TRPC7: variants seen among roughly 807,000 people sequenced by gnomAD.
TRPC7 encodes short transient receptor potential channel 7.
In TRPC7, 42 loss-of-function variants were observed where a neutral mutation model predicts 90.1. The observed-to-expected ratio is 0.47, with a 90% CI of 0.36 to 0.60. The LOEUF (loss-of-function observed/expected upper bound fraction) is 0.60, where lower values mean the gene tolerates loss of function less well. Among genes scored for constraint, TRPC7 ranks in the 20% least tolerant of loss-of-function variants. The pLI, the probability that TRPC7 is intolerant of heterozygous loss-of-function variation, is 0.00. For synonymous variants in TRPC7, 451 were observed against 436.3 expected, an observed-to-expected ratio of 1.03 and a Z score of -0.42; for missense variants, 955 against 1,112.3, an observed-to-expected ratio of 0.86 and a Z score of 2.01.
At chr5:136,362,241 C>A (rs1457642690) in intron 1 of TRPC7, among the ~76,000 whole-genome samples, 4 of 152,128 alleles carry the variant, frequency 2.6e-5, no homozygotes, top group Non-Finnish European at 5.9e-5. Flanking sequence ...ACTATTTAAT[C>A]ATAGTGACTA....
At chr5:136,241,183 T>C (rs1315126926) in intron 7 of TRPC7, among the ~76,000 whole-genome samples, 1 of 152,230 alleles carries the variant, frequency 6.6e-6, no homozygotes, top group Non-Finnish European at 1.5e-5. Flanking sequence ...AAGTTTCTAA[T>C]TTTGCCTAGC....
chr5:136,260,729 A>T (rs1756830517), intron 5 of TRPC7, among the ~76,000 whole-genome samples: 1 of 151,810 alleles, frequency 6.6e-6, no homozygotes, highest in Non-Finnish European at 1.5e-5. Context: ...TAAATGGATC[A>T]CTCTAGCTCC....
At chr5:136,326,492 A>T (rs1488407515) in intron 2 of TRPC7, among the ~76,000 whole-genome samples, 1 of 152,202 alleles carries the variant, frequency 6.6e-6, no homozygotes, top group African/African-American at 2.4e-5. Flanking sequence ...AAAAATTATC[A>T]GTTGAAAGTA....
intron 3 of TRPC7, among the ~76,000 whole-genome samples, chr5:136,312,533 A>T (rs1354330475): frequency 6.6e-6 from 1 of 152,240 alleles, no homozygotes; most frequent in Non-Finnish European, 1.5e-5. Flanking sequence ...TCATATGTCC[A>T]TTCTGCAAAT....
intron 3 of TRPC7, among the ~76,000 whole-genome samples, chr5:136,285,101 G>A (rs1027358413): frequency 6.6e-6 from 1 of 152,182 alleles, no homozygotes; most frequent in Non-Finnish European, 1.5e-5. Flanking sequence ...TGGCATGTTA[G>A]GAGACATGCA....
intron 8 of TRPC7, among the ~76,000 whole-genome samples, chr5:136,227,730 G>T (rs566573319): frequency 6.6e-6 from 1 of 152,316 alleles, no homozygotes; most frequent in East Asian, 1.9e-4. Flanking sequence ...AGCCTGTGTG[G>T]GTTTAAATCC....
At chr5:136,360,944 C>T (rs2149864549) in intron 1 of TRPC7, among the ~76,000 whole-genome samples, 1 of 152,262 alleles carries the variant, frequency 6.6e-6, no homozygotes, top group African/African-American at 2.4e-5. Flanking sequence ...GCCACCATAT[C>T]CTTGCTATTT....
chr5:136,299,300 CAA>C (rs202095828), intron 3 of TRPC7, among the ~76,000 whole-genome samples: 14 of 104,954 alleles, frequency 1.3e-4, no homozygotes, highest in East Asian at 1.1e-3. Flanking sequence ...AATTCTGTCT[CAA>C]AAAAAAAAAA....
intron 4 of TRPC7, among the ~76,000 whole-genome samples, chr5:136,271,151 G>A (rs1389137442): frequency 2.6e-5 from 4 of 152,152 alleles, no homozygotes; most frequent in South Asian, 4.1e-4. Context: ...TGAAGAGGGG[G>A]TACCAACTTT....
At chr5:136,256,527 G>A (rs1431980773) in intron 5 of TRPC7, among the ~76,000 whole-genome samples, 1 of 137,030 alleles carries the variant, frequency 7.3e-6, no homozygotes, top group Non-Finnish European at 1.6e-5. Context: ...CACCCTCACT[G>A]TGTCATATCC....
At chr5:136,280,782 A>C (rs344825) in intron 3 of TRPC7, among the ~76,000 whole-genome samples, 50,210 of 152,144 alleles carry the variant, frequency 0.33, 8,654 homozygotes, top group South Asian at 0.5. Context: ...ATAATAAGGA[A>C]TCACTAATAT....
chr5:136,255,831 C>A (rs1756671171), intron 5 of TRPC7, among the ~76,000 whole-genome samples: 1 of 152,160 alleles, frequency 6.6e-6, no homozygotes, highest in South Asian at 2.1e-4. Context: ...GTAATGTGCC[C>A]TGCTAGGAAG....
At chr5:136,261,945 C>G (rs1031239579) in intron 5 of TRPC7, among the ~76,000 whole-genome samples, 1 of 152,172 alleles carries the variant, frequency 6.6e-6, no homozygotes, top group Non-Finnish European at 1.5e-5. Context: ...TTGGGTCTTT[C>G]CCATCTTAGT....
intron 2 of TRPC7, among the ~76,000 whole-genome samples, chr5:136,324,834 G>A (rs538614454): frequency 1.1e-4 from 16 of 152,218 alleles, no homozygotes; most frequent in Non-Finnish European, 2.2e-4. Flanking sequence ...ATGTTGTAGA[G>A]ACATCCATAC....
At chr5:136,313,654 A>G (rs986951328) in intron 3 of TRPC7, among the ~76,000 whole-genome samples, 1 of 152,358 alleles carries the variant, frequency 6.6e-6, no homozygotes, top group Non-Finnish European at 1.5e-5. Flanking sequence ...GCATGATGGC[A>G]TACAAGGTTT....
chr5:136,284,814 C>T (rs556666789), intron 3 of TRPC7, among the ~76,000 whole-genome samples: 2 of 152,302 alleles, frequency 1.3e-5, no homozygotes, highest in Admixed American at 1.3e-4. Flanking sequence ...TCAGGAAAAG[C>T]ATGCTGAGGA....
At chr5:136,275,182 G>A (rs753191984) in intron 3 of TRPC7, among the ~76,000 whole-genome samples, 2 of 152,114 alleles carry the variant, frequency 1.3e-5, no homozygotes, top group Admixed American at 6.5e-5. Context: ...ACTTATCTCT[G>A]GGCAGAGTTC....
intron 2 of TRPC7, among the ~76,000 whole-genome samples, chr5:136,321,195 C>T (rs1047730388): frequency 4.6e-5 from 7 of 152,148 alleles, no homozygotes; most frequent in African/African-American, 1.4e-4. Context: ...ATCCTGTTGC[C>T]TCTTGGGGAG....
At chr5:136,243,834 AT>A (rs146232103) in intron 7 of TRPC7, among the ~76,000 whole-genome samples, 156 of 152,066 alleles carry the variant, frequency 1.0e-3, no homozygotes, top group African/African-American at 3.7e-3. Context: ...ACAGCTACAC[AT>A]CTCATTTCAG....
Sources: allele counts gnomAD v4.1 joint callset (sites outside exome capture counted in the v4.1 genomes callset), GRCh38; gene constraint gnomAD v4.1.1; transcripts MANE v1.5; gene names NCBI Gene and HGNC (gene_info 2026-07-23, HGNC 2026-07-21).